The following BMP2K variants were observed in gnomAD, a reference collection of about 807,000 sequenced individuals.
The protein encoded by BMP2K is BMP-2-inducible protein kinase.
Under a neutral mutation model 116.0 loss-of-function variants are expected in BMP2K, and 74 were observed. That is an observed-to-expected ratio of 0.64 (90% CI 0.53 to 0.77). The LOEUF (loss-of-function observed/expected upper bound fraction) is 0.77, where lower values mean the gene tolerates loss of function less well. Ranked by LOEUF, BMP2K falls within the 30% of genes least tolerant of loss-of-function variation. BMP2K has a pLI of 0.00. For synonymous variants in BMP2K, 486 were observed against 502.5 expected (o/e 0.97, Z 0.44); for missense variants, 1,365 against 1,403.6 (o/e 0.97, Z 0.44).
At chr4:78,861,259 G>C in intron 8 of BMP2K, 130 bp from the exon 9 acceptor site, 1 of 596,652 alleles carries the variant, frequency 1.7e-6, no homozygotes, top group Non-Finnish European at 2.9e-6. Context: ...ATAATTTATA[G>C]GTATCTGATG....
At chr4:78,899,315 A>G (rs1250875977) in intron 15 of BMP2K, among the ~76,000 whole-genome samples, 2 of 152,202 alleles carry the variant, frequency 1.3e-5, no homozygotes, top group African/African-American at 4.8e-5. Context: ...TGTTTCAGCA[A>G]AATTGGTGAA....
chr4:78,890,881 G>T (rs770618854), intron 15 of BMP2K, among the ~76,000 whole-genome samples: 1 of 152,118 alleles, frequency 6.6e-6, no homozygotes, highest in Non-Finnish European at 1.5e-5. Flanking sequence ...GAGAAAATAT[G>T]CATGAGAGGA....
chr4:78,778,581 A>G (rs529689636), intron 1 of BMP2K, among the ~76,000 whole-genome samples: 1 of 152,290 alleles, frequency 6.6e-6, no homozygotes, highest in African/African-American at 2.4e-5. Context: ...GCCAAGGCCT[A>G]GGTTTTCTTT....
chr4:78,868,885 G>C (rs1732195909), intron 10 of BMP2K, among the ~76,000 whole-genome samples: 1 of 152,164 alleles, frequency 6.6e-6, no homozygotes, highest in South Asian at 2.1e-4. Context: ...GTCTCTCCCG[G>C]CGGCTTTCAT....
chr4:78,790,836 CAG>C (rs1471251002), intron 1 of BMP2K, among the ~76,000 whole-genome samples: 1 of 151,996 alleles, frequency 6.6e-6, no homozygotes, highest in African/African-American at 2.4e-5. Flanking sequence ...TCTTGGGTGA[CAG>C]ACTAAGATCC....
chr4:78,889,543 A>G (rs1733312444), intron 15 of BMP2K, among the ~76,000 whole-genome samples: 1 of 152,200 alleles, frequency 6.6e-6, no homozygotes. Context: ...ATTTGGGGAC[A>G]TTCATTTTTC....
chr4:78,836,928 T>A (rs1473969006), intron 3 of BMP2K, among the ~76,000 whole-genome samples: 2 of 152,324 alleles, frequency 1.3e-5, no homozygotes, highest in East Asian at 3.9e-4. Context: ...ATCTACAACG[T>A]ATTGAAATTT....
intron 13 of BMP2K, among the ~76,000 whole-genome samples, chr4:78,875,665 G>A (rs1732596251): frequency 1.3e-5 from 2 of 152,178 alleles, no homozygotes; most frequent in African/African-American, 2.4e-5. Context: ...GGGTGGTTGT[G>A]TCTGGTAAGG....
chr4:78,844,815 T>TGTAAAAATAAGC, intron 4 of BMP2K, 113 bp from the exon 5 acceptor site: 1 of 893,600 alleles, frequency 1.1e-6, no homozygotes, highest in South Asian at 1.6e-5. Flanking sequence ...CCCTTCGGTG[T>TGTAAAAATAAGC]TTATTGTGTA....
At chr4:78,879,042 A>G (rs1315731534) in intron 14 of BMP2K, 151 bp downstream of exon 14, 4 of 1,427,370 alleles carry the variant, frequency 2.8e-6, no homozygotes, top group Non-Finnish European at 3.7e-6. Flanking sequence ...TACATATACT[A>G]TCAAATTATG....
At chr4:78,847,136 T>C (rs915077528) in intron 5 of BMP2K, 52 bp from the exon 6 acceptor site, 118 of 1,035,936 alleles carry the variant, frequency 1.1e-4, no homozygotes, top group Non-Finnish European at 1.4e-4. Flanking sequence ...TATCTGTCTT[T>C]TTTTTATATA....
chr4:78,865,171 T>C (rs982644836), intron 9 of BMP2K, among the ~76,000 whole-genome samples: 2 of 152,182 alleles, frequency 1.3e-5, no homozygotes, highest in Admixed American at 6.5e-5. Context: ...TTATTCCTTG[T>C]TGTTTCTTAT....
chr4:78,829,793 T>TTTTCTTTTC (rs1730100854), intron 2 of BMP2K, among the ~76,000 whole-genome samples: 2 of 81,026 alleles, frequency 2.5e-5, no homozygotes, highest in African/African-American at 8.8e-5. Context: ...TTCTTTTCTC[T>TTTTCTTTTC]TCTCTTCTCT....
At chr4:78,890,865 T>A (rs528747043) in intron 15 of BMP2K, among the ~76,000 whole-genome samples, 1 of 152,280 alleles carries the variant, frequency 6.6e-6, no homozygotes, top group South Asian at 2.1e-4. Flanking sequence ...CCTCTAGTTG[T>A]TGCTTGAGAA....
At chr4:78,869,054 C>T (rs762914836) in intron 10 of BMP2K, among the ~76,000 whole-genome samples, 10 of 152,186 alleles carry the variant, frequency 6.6e-5, no homozygotes, top group Non-Finnish European at 1.2e-4. Context: ...CCCCACATTT[C>T]CCTTCTGCAC....
intron 14 of BMP2K, among the ~76,000 whole-genome samples, chr4:78,883,347 G>A (rs1034315356): frequency 6.6e-6 from 1 of 152,078 alleles, no homozygotes; most frequent in Non-Finnish European, 1.5e-5. Context: ...CAAAATTAAT[G>A]TGTATATTTC....
chr4:78,866,406 C>T (rs545190540), intron 10 of BMP2K, among the ~76,000 whole-genome samples: 177 of 152,106 alleles, frequency 1.2e-3, no homozygotes, highest in African/African-American at 4.1e-3. Flanking sequence ...AATGAGGATA[C>T]CCTAATGGTT....
chr4:78,905,972 A>G (rs563927903), intron 15 of BMP2K: 3 of 152,206 alleles, frequency 2.0e-5, no homozygotes, highest in South Asian at 2.1e-4. Flanking sequence ...TTTTATGTCT[A>G]TGGAATAGGA....
At chr4:78,875,683 G>A (rs376040203) in intron 13 of BMP2K, among the ~76,000 whole-genome samples, 14 of 152,288 alleles carry the variant, frequency 9.2e-5, no homozygotes, top group Admixed American at 2.6e-4. Context: ...AGGCTGGGTC[G>A]GCTGTCCTCT....
Sources: gnomAD v4.1 joint callset for allele counts (sites outside exome capture counted in the v4.1 genomes callset) on GRCh38, gnomAD v4.1.1 for gene constraint, MANE v1.5 for transcripts, NCBI Gene and HGNC (gene_info 2026-07-23, HGNC 2026-07-21) for gene names.